Variants in SORCS3 observed in about 807,000 individuals in gnomAD.
SORCS3 encodes the protein VPS10 domain-containing receptor SorCS3.
A neutral mutation model predicts 146.3 loss-of-function variants in SORCS3; 57 were observed. The observed-to-expected ratio is 0.39, with a 90% CI of 0.31 to 0.49. SORCS3 has a LOEUF of 0.49. Ranked by LOEUF, SORCS3 falls within the 20% of genes least tolerant of loss-of-function variation. The probability of loss-of-function intolerance (pLI) is 0.92; values close to 1 mark genes in which losing one functional copy is unlikely to be tolerated. For synonymous variants in SORCS3, 653 were observed against 618.5 expected (o/e 1.06, Z -0.83); for missense variants, 1,341 against 1,575.5 (o/e 0.85, Z 2.52).
chr10:105,184,715 A>T (rs77310756), intron 14 of SORCS3, among the ~76,000 whole-genome samples: 1,600 of 152,286 alleles, frequency 0.011, 29 homozygotes, highest in African/African-American at 0.037. Flanking sequence ...ATGAGTTTGG[A>T]TGTATATGTA....
At chr10:104,652,524 A>C (rs2015575474) in intron 1 of SORCS3, among the ~76,000 whole-genome samples, 1 of 152,184 alleles carries the variant, frequency 6.6e-6, no homozygotes, top group South Asian at 2.1e-4. Context: ...TTCATTCCTT[A>C]AGGAGCTAGA....
chr10:105,007,615 G>A (rs2055104631), intron 4 of SORCS3, among the ~76,000 whole-genome samples: 1 of 152,104 alleles, frequency 6.6e-6, no homozygotes, highest in Admixed American at 6.5e-5. Context: ...CTGACATTCA[G>A]AGCCATAATT....
chr10:104,819,408 T>TTC (rs1211134011), intron 1 of SORCS3, among the ~76,000 whole-genome samples: 1 of 152,032 alleles, frequency 6.6e-6, no homozygotes, highest in Admixed American at 6.6e-5. Context: ...CTTCATCTCT[T>TTC]TCTCTCTCTC....
chr10:104,882,781 C>T (rs2133576747), intron 2 of SORCS3, among the ~76,000 whole-genome samples: 1 of 152,304 alleles, frequency 6.6e-6, no homozygotes, highest in Admixed American at 6.5e-5. Context: ...CTCCTGGCCA[C>T]AGACTGGGAT....
rs375147201 is a variant in SORCS3 at position 104,737,813 on chromosome 10, C to A, written c.627+95859C>A. Among the ~76,000 whole-genome samples, 34 of 150,306 alleles carry A rather than the reference C, an allele frequency of 2.3e-4. No homozygotes were observed. The East Asian group carries it at 2.5e-3, about 11-fold the overall frequency. On this transcript the variant is annotated intron_variant, in intron 1 of 26. Coordinates refer to ENST00000369701, the MANE Select transcript of SORCS3 (RefSeq NM_014978.3). ...CATTTGTCAATTTTGTCTTTTGTTG[C>A]CATTGCTTTTGGTGTTTTAGACATG... is the stretch of plus-strand genomic sequence containing the variant.
Position 104,931,530 on chromosome 10 carries a change from C to T in SORCS3, c.795+15598C>T, listed in dbSNP as rs541965724. Among the ~76,000 whole-genome samples, 3 of 152,266 alleles carry T rather than the reference C, an allele frequency of 2.0e-5. No homozygotes were observed. In the East Asian group the frequency reaches 5.8e-4, roughly 29 times the overall value. On this transcript the variant is annotated intron_variant, in intron 3 of 26. Coordinates refer to ENST00000369701, the MANE Select transcript of SORCS3 (RefSeq NM_014978.3). Reference sequence around the variant, plus strand: ...TACTCAGAGCAACCAAAGGCAGCAACATCAAAGGAGAGTCTGAGTCAGGGT... The same window carrying T: ...TACTCAGAGCAACCAAAGGCAGCAATATCAAAGGAGAGTCTGAGTCAGGGT...
At chr10:104,957,070 G>A (rs1312868686) in intron 3 of SORCS3, among the ~76,000 whole-genome samples, 1 of 152,118 alleles carries the variant, frequency 6.6e-6, no homozygotes, top group Admixed American at 6.6e-5. Flanking sequence ...CATTCATTGG[G>A]TGATCCTTCT....
At chr10:105,139,660 A>G (rs1380324609) in intron 8 of SORCS3, among the ~76,000 whole-genome samples, 174 bp downstream of exon 8, 1 of 152,056 alleles carries the variant, frequency 6.6e-6, no homozygotes, top group Non-Finnish European at 1.5e-5. Context: ...TGGATTCTGT[A>G]TTTCTGTCTC....
At chr10:104,788,134 C>G (rs2017459054) in intron 1 of SORCS3, among the ~76,000 whole-genome samples, 1 of 152,162 alleles carries the variant, frequency 6.6e-6, no homozygotes. Context: ...TGCATGTTCT[C>G]TCTCCTGAGG....
At chr10:104,811,446 A>T (rs1189855468) in intron 1 of SORCS3, among the ~76,000 whole-genome samples, 1 of 152,244 alleles carries the variant, frequency 6.6e-6, no homozygotes, top group East Asian at 1.9e-4. Context: ...TTGCCTGGTG[A>T]GGCAGAGCTT....
chr10:104,815,584 T>C (rs2017788461), intron 1 of SORCS3, among the ~76,000 whole-genome samples: 1 of 152,158 alleles, frequency 6.6e-6, no homozygotes, highest in South Asian at 2.1e-4. Context: ...AAAATATTAT[T>C]CTATCTTGAT....
At chr10:104,710,908 G>T (rs1274841052) in intron 1 of SORCS3, among the ~76,000 whole-genome samples, 1 of 152,152 alleles carries the variant, frequency 6.6e-6, no homozygotes, top group Non-Finnish European at 1.5e-5. Flanking sequence ...TGCCTCTGTT[G>T]GCCAAGCAGT....
At chr10:104,662,735 G>A (rs1401192553) in intron 1 of SORCS3, among the ~76,000 whole-genome samples, 1 of 152,222 alleles carries the variant, frequency 6.6e-6, no homozygotes, top group Non-Finnish European at 1.5e-5. Flanking sequence ...AGAGCAAGAT[G>A]AGTAAAGGCT....
At chr10:104,809,540 G>T (rs1443372468) in intron 1 of SORCS3, among the ~76,000 whole-genome samples, 2 of 152,186 alleles carry the variant, frequency 1.3e-5, no homozygotes, top group African/African-American at 2.4e-5. Context: ...CAAGTAAAAC[G>T]CCAACCTATA....
chr10:104,837,794 C>G (rs969016271), intron 1 of SORCS3, among the ~76,000 whole-genome samples: 1 of 152,148 alleles, frequency 6.6e-6, no homozygotes, highest in Non-Finnish European at 1.5e-5. Flanking sequence ...ATGATAAACT[C>G]CTTGAGGGCA....
intron 1 of SORCS3, among the ~76,000 whole-genome samples, chr10:104,827,295 T>G (rs915580243): frequency 6.6e-6 from 1 of 151,942 alleles, no homozygotes; most frequent in African/African-American, 2.4e-5. Flanking sequence ...TTTTATGAAA[T>G]GTATTTTTTT....
Position 104,696,403 on chromosome 10 carries a change from T to G in SORCS3, c.627+54449T>G, listed in dbSNP as rs376446661. 2.7e-3 allele frequency among the ~76,000 whole-genome samples: 44 copies of G among 16,396 alleles called. 17 individuals are homozygous for G. Among genetic ancestry groups the G allele is most frequent in the East Asian group, 8.5e-3 (2 of 234 alleles). 10.8% of individuals were successfully genotyped at this position (16,396 alleles called of 152,430 possible). A position where few individuals can be genotyped will look rare whatever the true frequency, so the allele number is the denominator to read the frequency against. On this transcript the variant is annotated intron_variant, in intron 1 of 26. Transcript: ENST00000369701. ...TATATATTATATAATATATAATATA[T>G]AATATAGAATATATATAATATATAA...
chr10:104,743,725 C>T (rs911741667), intron 1 of SORCS3, among the ~76,000 whole-genome samples: 1 of 152,090 alleles, frequency 6.6e-6, no homozygotes, highest in African/African-American at 2.4e-5. Context: ...TCCCCTAAGC[C>T]CCCTGTGAAC....
chr10:105,067,799 T>C (rs1374312461), intron 5 of SORCS3, among the ~76,000 whole-genome samples: 1 of 152,176 alleles, frequency 6.6e-6, no homozygotes, highest in African/African-American at 2.4e-5. Context: ...TCTACTTCCT[T>C]CAGGAGTCTT....
Sources: gnomAD v4.1 joint callset for allele counts (sites outside exome capture counted in the v4.1 genomes callset) on GRCh38, gnomAD v4.1.1 for gene constraint, MANE v1.5 for transcripts, NCBI Gene and HGNC (gene_info 2026-07-23, HGNC 2026-07-21) for gene names.